The following NLRP8 variants were observed in gnomAD, a reference collection of about 807,000 sequenced individuals.
NLRP8 encodes the protein NACHT, LRR and PYD domains-containing protein 8.
NLRP8 carries 86 observed loss-of-function variants against 88.7 expected under a neutral mutation model. The observed-to-expected ratio is 0.97, with a 90% CI of 0.81 to 1.16. The LOEUF (loss-of-function observed/expected upper bound fraction) is 1.16. Ranked by LOEUF, NLRP8 falls within the 50% of genes most tolerant of loss-of-function variation. The pLI is 0.00. For missense variants in NLRP8, 1,342 were observed against 1,286.5 expected (o/e 1.04, Z -0.66); for synonymous variants, 504 against 494.6 (o/e 1.02, Z -0.25).
intron 9 of NLRP8, among the ~76,000 whole-genome samples, chr19:55,985,099 C>T (rs563982774): frequency 2.0e-5 from 3 of 152,198 alleles, no homozygotes; most frequent in South Asian, 2.1e-4. Context: ...GTCAGGAGTT[C>T]GAGACCAGCC....
At chr19:55,952,845 G>C (rs371556186) in intron 2 of NLRP8, among the ~76,000 whole-genome samples, 1 of 152,166 alleles carries the variant, frequency 6.6e-6, no homozygotes, top group African/African-American at 2.4e-5. Flanking sequence ...AGAATTGCTT[G>C]AACCCGGGAG....
intron 4 of NLRP8, among the ~76,000 whole-genome samples, chr19:55,962,606 C>A (rs193277783): frequency 4.6e-5 from 7 of 152,262 alleles, no homozygotes; most frequent in Non-Finnish European, 7.4e-5. Context: ...ATAAAATGTT[C>A]AGCCCGGTGC....
At chr19:55,963,666 C>T (rs1979711791) in intron 4 of NLRP8, among the ~76,000 whole-genome samples, 2 of 152,218 alleles carry the variant, frequency 1.3e-5, no homozygotes, top group Middle Eastern at 3.4e-3. Context: ...CCTCCCACCT[C>T]AGCCTCTCGA....
At chr19:55,964,492 C>T (rs917192937) in intron 4 of NLRP8, among the ~76,000 whole-genome samples, 6 of 152,136 alleles carry the variant, frequency 3.9e-5, no homozygotes, top group South Asian at 2.1e-4. Context: ...TGGCTCACGC[C>T]GGTAATCCCA....
intron 9 of NLRP8, among the ~76,000 whole-genome samples, chr19:55,986,509 C>CACACACACACA (rs74179653): frequency 1.4e-5 from 2 of 145,624 alleles, no homozygotes; most frequent in Non-Finnish European, 3.0e-5. Context: ...CACACACACA[C>CACACACACACA]TAATTGCTTC....
chr19:55,971,101 G>A (rs991570359), intron 6 of NLRP8, among the ~76,000 whole-genome samples: 5 of 151,994 alleles, frequency 3.3e-5, no homozygotes, highest in South Asian at 2.1e-4. Flanking sequence ...ATTACTACCC[G>A]TGTATCCTTA....
In NLRP8 at chr19:55,973,750, C is replaced by T; in HGVS notation, c.2633C>T (p.Ala878Val). Reference sequence around the variant, plus strand: ...ACCCACCTGAGCTTGGCAGAAAACGCCTTGAAAGATGAAGGGGCCAAGCAT... The same window carrying T: ...ACCCACCTGAGCTTGGCAGAAAACGTCTTGAAAGATGAAGGGGCCAAGCAT... Residue 878 changes from alanine to valine, a missense_variant, in exon 7 of 10, where the codon GCC (alanine) becomes GTC (valine). Transcript: ENST00000291971. 6.2e-7 allele frequency: 1 copy of T among 1,614,040 alleles called. No individual in the cohort carries two copies. Among genetic ancestry groups the T allele is most frequent in the South Asian group, 1.1e-5 (1 of 91,048 alleles).
chr19:55,955,399 C>T lies in NLRP8; in HGVS notation c.1341C>T (p.His447=), dbSNP rs866140424. 1 of 1,614,166 alleles carries T rather than the reference C, an allele frequency of 6.2e-7. No individual in the cohort carries two copies. Among genetic ancestry groups the T allele is most frequent in the Middle Eastern group, 1.6e-4 (1 of 6,062 alleles). The change falls in exon 3 of 10, where the codon CAC becomes CAT. Residue 447 remains histidine, a synonymous_variant. Transcript: ENST00000291971. ...CTGAGAACTTTTCCAGAAAGATCCA[C>T]CAAGCACAACTGGAAGGTCTGTGTC...
chr19:55,961,745 C>T (rs1365655863), intron 3 of NLRP8, among the ~76,000 whole-genome samples: 2 of 152,188 alleles, frequency 1.3e-5, no homozygotes, highest in Non-Finnish European at 2.9e-5. Context: ...CTGCAGCGAG[C>T]TGTGTTCAGA....
At chr19:55,961,202 A>G (rs1979594468) in intron 3 of NLRP8, among the ~76,000 whole-genome samples, 2 of 151,752 alleles carry the variant, frequency 1.3e-5, no homozygotes, top group African/African-American at 4.8e-5. Flanking sequence ...GTGCCCGGCC[A>G]CTTTCAACTA....
chr19:55,984,963 A>C (rs892011994), intron 9 of NLRP8, among the ~76,000 whole-genome samples: 1 of 152,202 alleles, frequency 6.6e-6, no homozygotes, highest in Non-Finnish European at 1.5e-5. Flanking sequence ...TTACCATAAA[A>C]TTCCCAAAGT....
At chr19:55,957,032 A>T (rs1022168934) in intron 3 of NLRP8, among the ~76,000 whole-genome samples, 1 of 152,086 alleles carries the variant, frequency 6.6e-6, no homozygotes, top group Non-Finnish European at 1.5e-5. Context: ...GCCTCAAGCA[A>T]TCTTCCCACC....
chr19:55,962,891 C>G (rs1979676745), intron 4 of NLRP8, among the ~76,000 whole-genome samples: 1 of 152,212 alleles, frequency 6.6e-6, no homozygotes. Context: ...GGAATCAGCA[C>G]ACTGTGTAAT....
At chr19:55,952,456 A>G (rs1176306484) in intron 1 of NLRP8, 82 bp from the exon 2 acceptor site, 3 of 1,137,626 alleles carry the variant, frequency 2.6e-6, no homozygotes, top group Non-Finnish European at 4.0e-6. Flanking sequence ...TTCTGTCCTA[A>G]AAAGGCCATT....
At chr19:55,976,514 G>A (rs907920825) in intron 8 of NLRP8, among the ~76,000 whole-genome samples, 1 of 152,060 alleles carries the variant, frequency 6.6e-6, no homozygotes. Context: ...AAATTTTGGG[G>A]CCCCACTTCG....
intron 9 of NLRP8, among the ~76,000 whole-genome samples, chr19:55,986,656 G>A (rs1980854672): frequency 6.6e-6 from 1 of 152,222 alleles, no homozygotes; most frequent in African/African-American, 2.4e-5. Flanking sequence ...CCTGGGGCTG[G>A]TGGTTCAGAG....
chr19:55,976,006 A>G, intron 7 of NLRP8, 127 bp from the exon 8 acceptor site: 1 of 958,118 alleles, frequency 1.0e-6, no homozygotes. Context: ...CAAACAAACA[A>G]AACAAACAAA....
At position 55,954,816 on chromosome 19, in the gene NLRP8, A is replaced by AC. The variant is rs1568459297; in HGVS notation, c.760dup (p.Gln254ProfsTer8). Reference sequence around the variant, plus strand: ...TGCCAAGAGGTGAACCAGACGACAGACCAGAGCTTCTCCGAGCTGATTGAG... The same window carrying AC: ...TGCCAAGAGGTGAACCAGACGACAGACCCAGAGCTTCTCCGAGCTGATTGAG... On this transcript the variant is annotated frameshift_variant, in exon 3 of 10. Transcript: ENST00000291971. LOFTEE classifies it high-confidence loss of function. 6.2e-7 allele frequency: 1 copy of AC among 1,614,196 alleles called. No individual in the cohort carries two copies. Among genetic ancestry groups the AC allele is most frequent in the Non-Finnish European group, 8.5e-7 (1 of 1,180,028 alleles).
chr19:55,976,040 G>A, intron 7 of NLRP8, 93 bp from the exon 8 acceptor site: 4 of 1,238,844 alleles, frequency 3.2e-6, no homozygotes, highest in South Asian at 1.8e-5. Context: ...CAAAAACAAA[G>A]AAGTAAAACC....
Sources: allele counts gnomAD v4.1 joint callset (sites outside exome capture counted in the v4.1 genomes callset), GRCh38; gene constraint gnomAD v4.1.1; transcripts MANE v1.5; gene names NCBI Gene and HGNC (gene_info 2026-07-23, HGNC 2026-07-21).